Variants in HECTD4 observed in about 807,000 individuals in gnomAD.
The protein encoded by HECTD4 is probable E3 ubiquitin-protein ligase HECTD4.
A neutral mutation model predicts 471.5 loss-of-function variants in HECTD4; 114 were observed. The observed-to-expected ratio is 0.24, with a 90% CI of 0.21 to 0.28. The LOEUF is 0.28. Ranked by LOEUF, HECTD4 falls within the 10% of genes least tolerant of loss-of-function variation. The pLI, the probability that HECTD4 is intolerant of heterozygous loss-of-function variation, is 1.00. For missense variants in HECTD4, 3,866 were observed against 5,651.5 expected, an observed-to-expected ratio of 0.68 and a Z score of 10.13; for synonymous variants, 2,012 against 2,256.0, an observed-to-expected ratio of 0.89 and a Z score of 3.07.
In HECTD4 at chr12:112,219,330, T is replaced by TC. The variant is rs2033023213; in HGVS notation, c.7074+55_7074+56insG. On this transcript the variant is annotated intron_variant, in intron 45 of 75. Transcript: ENST00000682272. ...AATGTCCTTAACTTGCTGCTGGCCTTACTCAGTGATGTGTGTGGAGGCTGC... is the reference window on the plus strand; with the variant it reads ...AATGTCCTTAACTTGCTGCTGGCCTTCACTCAGTGATGTGTGTGGAGGCTGC... 8 of 1,261,704 alleles carry TC rather than the reference T, an allele frequency of 6.3e-6. No homozygotes were observed. In the Admixed American group the frequency reaches 1.5e-4, roughly 24 times the overall value. The allele number at this position is 1,261,704 out of a possible 1,614,324, so 78.2% of individuals were successfully genotyped here. A position where few individuals can be genotyped will look rare whatever the true frequency, so the allele number is the denominator to read the frequency against.
Position 112,228,276 on chromosome 12 carries a change from G to A in HECTD4, c.6685-18C>T, listed in dbSNP as rs1402675710. 1 of 1,547,012 alleles carries A rather than the reference G, an allele frequency of 6.5e-7. No individual in the cohort carries two copies. The highest frequency in any genetic ancestry group is 8.7e-7 in the Non-Finnish European group (1 of 1,150,098). On this transcript the variant is annotated intron_variant, in intron 42 of 75. Transcript: ENST00000682272. The surrounding 1 kb of genome is among the most constrained non-coding windows in gnomAD (Gnocchi z 4.9). ...GGCAATGCCTGATGGCGGTGGGGGG[G>A]CATGGCAAAAAGTTAAATTCAAGTA...
Position 112,256,443 on chromosome 12 carries a change from A to G in HECTD4, c.3204T>C (p.Thr1068=), listed in dbSNP as rs1308544196. ...CTCTGACGGGGTGGACTGTTTCCAC[A>G]GTCTTTCCAGCAGCCCATGGGGCAG... is the stretch of plus-strand genomic sequence containing the variant. ...KIPAPWAAGK[T]VETVHPVRDN... The change falls in exon 21 of 76, where the codon ACT becomes ACC. Residue 1068 remains threonine (T), a synonymous_variant. Coordinates refer to ENST00000682272, the MANE Select transcript of HECTD4 (RefSeq NM_001388303.1). The G allele has an allele frequency of 1.2e-6, 2 of 1,612,502 alleles. No homozygotes were observed. Among genetic ancestry groups the G allele is most frequent in the Admixed American group, 1.7e-5 (1 of 59,830 alleles).
At chr12:112,342,984 C>T (rs2036079072) in intron 1 of HECTD4, among the ~76,000 whole-genome samples, 1 of 152,212 alleles carries the variant, frequency 6.6e-6, no homozygotes, top group Admixed American at 6.5e-5. Flanking sequence ...TAATTTACAA[C>T]ACTCTGTAAC....
chr12:112,240,094 G>T, intron 32 of HECTD4, 67 bp from the exon 33 acceptor site: 2 of 1,527,852 alleles, frequency 1.3e-6, no homozygotes, highest in Non-Finnish European at 1.8e-6. Context: ...AGCAGGAGAG[G>T]CCTCTTGAGA....
intron 44 of HECTD4, among the ~76,000 whole-genome samples, chr12:112,221,133 TG>T (rs1272481136): frequency 6.6e-6 from 1 of 151,978 alleles, no homozygotes; most frequent in African/African-American, 2.4e-5. Context: ...TTGTATTTTT[TG>T]TAGAGACAGG....
chr12:112,200,873 G>GTGCA, intron 54 of HECTD4, 75 bp from the exon 55 acceptor site: 1 of 1,223,216 alleles, frequency 8.2e-7, no homozygotes, highest in Non-Finnish European at 1.1e-6. Context: ...GCGTGTGTGT[G>GTGCA]TGCGTGCGTG....
chr12:112,319,125 G>A lies in HECTD4; in HGVS notation c.695+100C>T. ...TGAAAGCAAAGAAGGACTTCTGAAT[G>A]TTAAGACTTCTATCAAATATACTTG... On this transcript the variant is annotated intron_variant, in intron 2 of 75. Coordinates refer to ENST00000682272, the MANE Select transcript of HECTD4 (RefSeq NM_001388303.1). This position sits in a 1 kb window ranked among gnomAD's most constrained non-coding sequence, Gnocchi z 5.3. 1 of 1,193,272 alleles carries A rather than the reference G, an allele frequency of 8.4e-7. No homozygotes were observed. The highest frequency in any genetic ancestry group is 1.5e-5 in the South Asian group (1 of 64,942). The allele number at this position is 1,193,272 out of a possible 1,614,324, so 73.9% of individuals were successfully genotyped here. A position where few individuals can be genotyped will look rare whatever the true frequency, so the allele number is the denominator to read the frequency against.
At chr12:112,258,290 T>A (rs1438565643) in intron 20 of HECTD4, 4 of 391,120 alleles carry the variant, frequency 1.0e-5, no homozygotes, top group Non-Finnish European at 1.8e-5. Flanking sequence ...TTTGAACTAA[T>A]CTCTTGATCC....
chr12:112,319,212 C>A lies in HECTD4; in HGVS notation c.695+13G>T. 1 of 1,535,636 alleles carries A rather than the reference C, an allele frequency of 6.5e-7. No individual in the cohort carries two copies. The highest frequency in any genetic ancestry group is 1.2e-5 in the South Asian group (1 of 83,986). On this transcript the variant is annotated intron_variant, in intron 2 of 75. Transcript: ENST00000682272. This position sits in a 1 kb window ranked among gnomAD's most constrained non-coding sequence, Gnocchi z 5.3. ...TCACAAGGTCACCAAATGATACATT[C>A]GATTTTCCTTACCTGGCACAAGCCA...
At chr12:112,308,091 T>C (rs552132691) in intron 6 of HECTD4, among the ~76,000 whole-genome samples, 9 of 152,328 alleles carry the variant, frequency 5.9e-5, no homozygotes, top group Admixed American at 2.0e-4. Context: ...GCCTAGCACA[T>C]AGGAGATGCT....
intron 29 of HECTD4, 50 bp downstream of exon 29, chr12:112,246,851 T>C (rs1449601161): frequency 5.2e-6 from 8 of 1,530,130 alleles, no homozygotes; most frequent in Non-Finnish European, 7.1e-6. Flanking sequence ...ACAGAGTATA[T>C]TCTCTGTTCA....
chr12:112,216,722 C>T, intron 47 of HECTD4, 51 bp downstream of exon 47: 1 of 1,595,852 alleles, frequency 6.3e-7, no homozygotes, highest in Non-Finnish European at 8.6e-7. Flanking sequence ...CTATACACAC[C>T]TTGTGGGAGG....
chr12:112,339,653 T>C (rs984764491), intron 1 of HECTD4, among the ~76,000 whole-genome samples: 5 of 152,094 alleles, frequency 3.3e-5, no homozygotes, highest in African/African-American at 2.4e-5. Flanking sequence ...TACACAAACA[T>C]GCACATACAC....
rs554710512 is a variant in HECTD4, at chr12:112,305,400, G to A, written c.1335+664C>T. Among the ~76,000 whole-genome samples the A allele has an allele frequency of 2.0e-5, 3 of 152,176 alleles. No homozygotes were observed. In the South Asian group the frequency reaches 6.2e-4, roughly 32 times the overall value. ...CTCCTGCCACAGACACTTTGCACGT[G>A]TGGTATCCTCTTTCTGGAATGTTCT... On this transcript the variant is annotated intron_variant, in intron 7 of 75. Coordinates refer to ENST00000682272, the MANE Select transcript of HECTD4 (RefSeq NM_001388303.1).
rs149057899 is a variant in HECTD4, at chr12:112,377,825, G to A, written c.177+4127C>T. Among the ~76,000 whole-genome samples the A allele has an allele frequency of 1.5e-3, 222 of 152,200 alleles. 1 individual carries two copies. The highest frequency in any genetic ancestry group is 4.3e-3 in the African/African-American group (179 of 41,530). ...GTGGAGGTTGCAGTGAGCCGAGATCGCATCACTGCACTCCAGCCTGGGTAA... is the reference window on the plus strand; with the variant it reads ...GTGGAGGTTGCAGTGAGCCGAGATCACATCACTGCACTCCAGCCTGGGTAA... On this transcript the variant is annotated intron_variant, in intron 1 of 75. Transcript: ENST00000682272.
In HECTD4 at chr12:112,306,145, G is replaced by A. The variant is rs2035266659; in HGVS notation, c.1254C>T (p.Phe418=). The A allele has an allele frequency of 6.2e-7, 1 of 1,613,080 alleles. No homozygotes were observed. The highest frequency in any genetic ancestry group is 1.3e-5 in the African/African-American group (1 of 74,910). The change falls in exon 7 of 76, where the codon TTC becomes TTT. Residue 418 remains phenylalanine (F), a synonymous_variant. Coordinates refer to ENST00000682272, the MANE Select transcript of HECTD4 (RefSeq NM_001388303.1). ...GGCTGGCAGGAGACCAGATCCAATA[G>A]AAGTAAGTGCCATCTGAAGACAGGT... ...TVHLSSDGTY[F]YWIWSPASLN...
chr12:112,228,166 G>A lies in HECTD4; in HGVS notation c.6777C>T (p.His2259=). 1.2e-6 allele frequency: 2 copies of A among 1,613,918 alleles called. No individual in the cohort carries two copies. The highest frequency in any genetic ancestry group is 2.2e-5 in the East Asian group (1 of 44,866). Residue 2259 remains histidine, a synonymous_variant, in exon 43 of 76, where the codon CAC becomes CAT. Coordinates refer to ENST00000682272, the MANE Select transcript of HECTD4 (RefSeq NM_001388303.1). This position sits in a 1 kb window ranked among gnomAD's most constrained non-coding sequence, Gnocchi z 4.9. ...LLPQEGSLSI[H]TSLPATGDGS... is the part of the protein sequence containing the mutation. The stretch of plus-strand genomic sequence containing the variant: ...CATCTCCTGTTGCAGGAAGTGAGGT[G>A]TGAATAGAGAGACTTCCCTCCTGAG...
At chr12:112,209,510 G>C (rs1368759639) in intron 50 of HECTD4, among the ~76,000 whole-genome samples, 1 of 152,042 alleles carries the variant, frequency 6.6e-6, no homozygotes, top group Non-Finnish European at 1.5e-5. Context: ...ATTTTTAGTA[G>C]AGACGGGGTT....
chr12:112,215,469 C>T (rs1243221031), intron 48 of HECTD4, among the ~76,000 whole-genome samples: 1 of 152,092 alleles, frequency 6.6e-6, no homozygotes, highest in Non-Finnish European at 1.5e-5. Context: ...GTACGTAGGG[C>T]CAATCCTAAT....
Sources: gnomAD v4.1 joint callset for allele counts (sites outside exome capture counted in the v4.1 genomes callset) on GRCh38, gnomAD v4.1.1 for gene constraint, Gnocchi (gnomAD v3.1) non-coding constraint, MANE v1.5 for transcripts, NCBI Gene and HGNC (gene_info 2026-07-23, HGNC 2026-07-21) for gene names.